Variants in CNTNAP5 observed in about 807,000 individuals in gnomAD.
CNTNAP5 encodes contactin-associated protein-like 5.
In CNTNAP5, 72 loss-of-function variants were observed where a neutral mutation model predicts 150.2. The observed-to-expected ratio is 0.48, with a 90% CI of 0.40 to 0.58. The LOEUF (loss-of-function observed/expected upper bound fraction) is 0.58. Among genes scored for constraint, CNTNAP5 ranks in the 20% least tolerant of loss-of-function variants. The pLI, the probability that CNTNAP5 is intolerant of heterozygous loss-of-function variation, is 0.00. For missense variants in CNTNAP5, 1,636 were observed against 1,626.2 expected, an observed-to-expected ratio of 1.01 and a Z score of -0.10; for synonymous variants, 672 against 619.8, an observed-to-expected ratio of 1.08 and a Z score of -1.25.
At chr2:124,170,961 T>A (rs1684916939) in intron 1 of CNTNAP5, among the ~76,000 whole-genome samples, 1 of 152,196 alleles carries the variant, frequency 6.6e-6, no homozygotes, top group Admixed American at 6.5e-5. Flanking sequence ...TGTGGCTGTG[T>A]TCTGATCCAT....
At chr2:124,854,189 A>G (rs923301069) in intron 19 of CNTNAP5, among the ~76,000 whole-genome samples, 18 of 152,190 alleles carry the variant, frequency 1.2e-4, no homozygotes, top group Non-Finnish European at 2.2e-4. Flanking sequence ...ATTCCGTAGC[A>G]CTGATCAAAT....
chr2:124,572,297 TG>T, intron 11 of CNTNAP5, among the ~76,000 whole-genome samples: 1 of 148,828 alleles, frequency 6.7e-6, no homozygotes, highest in Middle Eastern at 3.4e-3. Flanking sequence ...CAGCAGATAC[TG>T]GGGTCTACCT....
intron 13 of CNTNAP5, among the ~76,000 whole-genome samples, chr2:124,698,840 A>G (rs762853307): frequency 6.6e-6 from 1 of 152,080 alleles, no homozygotes; most frequent in East Asian, 1.9e-4. Flanking sequence ...GAAAACCTGC[A>G]TGAGAGACTC....
chr2:124,590,414 G>T (rs1696653243), intron 11 of CNTNAP5, among the ~76,000 whole-genome samples: 1 of 152,058 alleles, frequency 6.6e-6, no homozygotes, highest in Admixed American at 6.6e-5. Flanking sequence ...GACACCAAAA[G>T]ATCTATTTTC....
intron 1 of CNTNAP5, among the ~76,000 whole-genome samples, chr2:124,088,780 G>A (rs781611146): frequency 3.2e-4 from 49 of 152,152 alleles, no homozygotes; most frequent in Non-Finnish European, 5.3e-4. Context: ...ATTCCTGCCA[G>A]TGAGTTCAAA....
chr2:124,025,697 C>A lies in CNTNAP5; in HGVS notation c.47C>A (p.Ser16Tyr), dbSNP rs766953091. 6.2e-7 allele frequency: 1 copy of A among 1,613,780 alleles called. No homozygotes were observed. Among genetic ancestry groups the A allele is most frequent in the South Asian group, 1.1e-5 (1 of 91,052 alleles). Residue 16 changes from serine to tyrosine, a missense_variant, in exon 1 of 24, where the codon TCT (serine) becomes TAT (tyrosine). Coordinates refer to ENST00000682447, the MANE Select transcript of CNTNAP5 (RefSeq NM_001367498.1). ...RLTSVLTLLF[S>Y]GLWHLGLTAT... is the part of the protein sequence containing the mutation. Reference sequence around the variant, plus strand: ...ACCAGCGTTTTGACTTTGCTGTTCTCTGGCTTGTGGCATTTAGGATTAACA... The same window carrying A: ...ACCAGCGTTTTGACTTTGCTGTTCTATGGCTTGTGGCATTTAGGATTAACA...
At chr2:124,107,710 A>T (rs779714302) in intron 1 of CNTNAP5, among the ~76,000 whole-genome samples, 8 of 152,338 alleles carry the variant, frequency 5.3e-5, no homozygotes, top group Non-Finnish European at 1.0e-4. Flanking sequence ...TGAACCCAAA[A>T]TATCTGAGAC....
intron 3 of CNTNAP5, among the ~76,000 whole-genome samples, chr2:124,292,691 A>C (rs1688330097): frequency 6.6e-6 from 1 of 151,984 alleles, no homozygotes; most frequent in Non-Finnish European, 1.5e-5. Flanking sequence ...AGGAGAAAAC[A>C]CTTCGCATAT....
chr2:124,242,731 CTGAG>C (rs1368757153), intron 3 of CNTNAP5, among the ~76,000 whole-genome samples: 3 of 152,066 alleles, frequency 2.0e-5, no homozygotes, highest in Admixed American at 2.0e-4. Context: ...TACTAATTTA[CTGAG>C]TGTTTATTGA....
intron 19 of CNTNAP5, among the ~76,000 whole-genome samples, chr2:124,811,018 A>C (rs1682205479): frequency 6.7e-6 from 1 of 148,620 alleles, no homozygotes; most frequent in South Asian, 2.1e-4. Flanking sequence ...GCCATTTGGA[A>C]GGAGGATCCT....
chr2:124,353,432 G>A (rs1689923834), intron 3 of CNTNAP5, among the ~76,000 whole-genome samples: 1 of 151,584 alleles, frequency 6.6e-6, no homozygotes, highest in Non-Finnish European at 1.5e-5. Flanking sequence ...GCTAAAGCAT[G>A]AAGTGAAATT....
intron 10 of CNTNAP5, among the ~76,000 whole-genome samples, chr2:124,552,430 C>T (rs1232249638): frequency 1.3e-5 from 2 of 152,302 alleles, no homozygotes; most frequent in Non-Finnish European, 2.9e-5. Flanking sequence ...CCAGTGCCCA[C>T]CTTTCCAGGT....
At chr2:124,373,557 T>C (rs1285892691) in intron 3 of CNTNAP5, among the ~76,000 whole-genome samples, 3 of 151,692 alleles carry the variant, frequency 2.0e-5, no homozygotes, top group Admixed American at 6.6e-5. Flanking sequence ...AAAAAAGACA[T>C]GTAACAATAG....
intron 21 of CNTNAP5, among the ~76,000 whole-genome samples, chr2:124,900,663 T>G (rs894333434): frequency 6.6e-6 from 1 of 151,658 alleles, no homozygotes; most frequent in Non-Finnish European, 1.5e-5. Context: ...TCCAAGGACC[T>G]GGACACTATG....
chr2:124,177,880 T>A (rs1030973641), intron 1 of CNTNAP5, among the ~76,000 whole-genome samples: 1 of 150,970 alleles, frequency 6.6e-6, no homozygotes, highest in African/African-American at 2.4e-5. Context: ...AGAGTTTCGC[T>A]CTGTTGCCTA....
At chr2:124,211,958 G>A (rs143106286) in intron 1 of CNTNAP5, among the ~76,000 whole-genome samples, 81 of 152,278 alleles carry the variant, frequency 5.3e-4, no homozygotes, top group Middle Eastern at 6.8e-3. Flanking sequence ...ATCATGATTA[G>A]CTGTTGGAAG....
chr2:124,265,913 G>A (rs1469531201), intron 3 of CNTNAP5, among the ~76,000 whole-genome samples: 1 of 152,032 alleles, frequency 6.6e-6, no homozygotes, highest in East Asian at 1.9e-4. Context: ...GTAGCCACAA[G>A]GGGACAAACT....
At chr2:124,658,948 G>C (rs1158633862) in intron 13 of CNTNAP5, among the ~76,000 whole-genome samples, 2 of 152,144 alleles carry the variant, frequency 1.3e-5, no homozygotes, top group Non-Finnish European at 2.9e-5. Context: ...CCTTCCCAAA[G>C]AGAAGGCTCC....
chr2:124,521,886 C>T (rs1484975474), intron 8 of CNTNAP5, among the ~76,000 whole-genome samples: 1 of 152,138 alleles, frequency 6.6e-6, no homozygotes, highest in African/African-American at 2.4e-5. Flanking sequence ...TAGCAGAATC[C>T]CTGTGGCCAG....
Sources: gnomAD v4.1 joint callset for allele counts (sites outside exome capture counted in the v4.1 genomes callset) on GRCh38, gnomAD v4.1.1 for gene constraint, MANE v1.5 for transcripts, NCBI Gene and HGNC (gene_info 2026-07-23, HGNC 2026-07-21) for gene names.